The following LSAMP variants were observed in gnomAD, a reference collection of about 807,000 sequenced individuals.
LSAMP encodes the protein limbic system-associated membrane protein.
Under a neutral mutation model 38.6 loss-of-function variants are expected in LSAMP, and 7 were observed. The ratio of observed to expected loss-of-function variants is 0.18; its 90% CI spans 0.10 to 0.34. The LOEUF is 0.34. LSAMP is among the 10% of genes least tolerant of loss of function. The pLI is 1.00. For synonymous variants in LSAMP, 154 were observed against 166.8 expected (o/e 0.92, Z 0.59); for missense variants, 313 against 420.0 (o/e 0.75, Z 2.23).
intron 1 of LSAMP, among the ~76,000 whole-genome samples, chr3:116,182,605 TAAG>T (rs1429072108): frequency 1.3e-5 from 2 of 151,638 alleles, no homozygotes; most frequent in Non-Finnish European, 3.0e-5. Context: ...TTAAAGAAGA[TAAG>T]AAGACTGTCT....
At chr3:116,246,363 A>G (rs984022831) in intron 1 of LSAMP, among the ~76,000 whole-genome samples, 2 of 152,160 alleles carry the variant, frequency 1.3e-5, no homozygotes, top group African/African-American at 4.8e-5. Context: ...TTTCATATAC[A>G]ATATATTCTT....
At chr3:115,869,947 A>C (rs1935979894) in intron 3 of LSAMP, among the ~76,000 whole-genome samples, 1 of 152,080 alleles carries the variant, frequency 6.6e-6, no homozygotes, top group Non-Finnish European at 1.5e-5. Flanking sequence ...GGGCTTGGCA[A>C]GCTATGTCCC....
chr3:116,055,589 C>G (rs1285501639), intron 2 of LSAMP, among the ~76,000 whole-genome samples: 1 of 152,140 alleles, frequency 6.6e-6, no homozygotes, highest in Non-Finnish European at 1.5e-5. Flanking sequence ...TGACAATGCC[C>G]TCTACTCACA....
At chr3:116,163,418 T>C (rs1204578304) in intron 1 of LSAMP, among the ~76,000 whole-genome samples, 4 of 151,500 alleles carry the variant, frequency 2.6e-5, no homozygotes, top group African/African-American at 9.7e-5. Flanking sequence ...TCATTTTTTA[T>C]GGCTGCATAG....
chr3:116,255,157 A>G (rs1359646267), intron 1 of LSAMP, among the ~76,000 whole-genome samples: 1 of 152,144 alleles, frequency 6.6e-6, no homozygotes, highest in Non-Finnish European at 1.5e-5. Flanking sequence ...CATCACCATC[A>G]GTAGTGATGT....
intron 1 of LSAMP, among the ~76,000 whole-genome samples, chr3:116,197,449 A>G (rs1299188990): frequency 2.0e-5 from 3 of 152,156 alleles, no homozygotes; most frequent in Non-Finnish European, 4.4e-5. Flanking sequence ...GAAGTATACA[A>G]ACTCACCTTA....
At chr3:116,321,013 T>C (rs1195748130) in intron 1 of LSAMP, among the ~76,000 whole-genome samples, 1 of 152,144 alleles carries the variant, frequency 6.6e-6, no homozygotes, top group Admixed American at 6.5e-5. Context: ...TATCTTCGCA[T>C]AGAAAATATT....
chr3:116,012,204 C>A (rs1221649720), intron 3 of LSAMP, among the ~76,000 whole-genome samples: 1 of 152,160 alleles, frequency 6.6e-6, no homozygotes, highest in African/African-American at 2.4e-5. Flanking sequence ...TCAACAACTC[C>A]ATGGTCACTT....
chr3:115,977,727 AC>A (rs1939230433), intron 3 of LSAMP, among the ~76,000 whole-genome samples: 1 of 108,292 alleles, frequency 9.2e-6, no homozygotes, highest in Non-Finnish European at 1.8e-5. Flanking sequence ...ACAACAGAAC[AC>A]CAAAAAAAAA....
At chr3:116,128,938 C>T (rs373302149) in intron 1 of LSAMP, among the ~76,000 whole-genome samples, 2 of 151,928 alleles carry the variant, frequency 1.3e-5, no homozygotes, top group African/African-American at 2.4e-5. Flanking sequence ...AACCTTTCAG[C>T]GATGTGACAA....
intron 3 of LSAMP, among the ~76,000 whole-genome samples, chr3:115,868,406 C>T (rs1158341352): frequency 6.6e-6 from 1 of 152,060 alleles, no homozygotes; most frequent in Non-Finnish European, 1.5e-5. Flanking sequence ...CTATCCCTCT[C>T]TCCATCAAGT....
At chr3:115,889,459 G>A (rs72955530) in intron 3 of LSAMP, among the ~76,000 whole-genome samples, 1,946 of 151,836 alleles carry the variant, frequency 0.013, 45 homozygotes, top group African/African-American at 0.044. Context: ...AACTTGAGAG[G>A]GGAGTCATGC....
intron 3 of LSAMP, among the ~76,000 whole-genome samples, chr3:115,984,383 T>C (rs1312699107): frequency 6.6e-6 from 1 of 152,218 alleles, no homozygotes; most frequent in East Asian, 1.9e-4. Context: ...CTAGGCTAGA[T>C]GTATGCTAAA....
At chr3:116,199,053 T>G (rs372111808) in intron 1 of LSAMP, among the ~76,000 whole-genome samples, 22 of 151,980 alleles carry the variant, frequency 1.4e-4, no homozygotes, top group African/African-American at 4.8e-4. Context: ...CACTGCACTA[T>G]AGCCTGTGTG....
At chr3:116,207,072 A>T (rs1386415229) in intron 1 of LSAMP, among the ~76,000 whole-genome samples, 4 of 151,938 alleles carry the variant, frequency 2.6e-5, no homozygotes, top group Admixed American at 2.0e-4. Context: ...GACTTGCTTT[A>T]TGAATCTGGG....
chr3:116,081,961 CTA>C, intron 2 of LSAMP, among the ~76,000 whole-genome samples: 1 of 152,264 alleles, frequency 6.6e-6, no homozygotes, highest in African/African-American at 2.4e-5. Context: ...AATGACCACT[CTA>C]TTATTGGTAC....
chr3:116,345,874 C>A (rs1243564188), intron 1 of LSAMP, among the ~76,000 whole-genome samples: 1 of 152,052 alleles, frequency 6.6e-6, no homozygotes, highest in East Asian at 1.9e-4. Flanking sequence ...AACAAAAACC[C>A]AGAGAAGCAG....
rs541990964 is a variant in LSAMP at position 115,907,911 on chromosome 3, C to G, written c.515-55294G>C. Among the ~76,000 whole-genome samples, 18 of 152,208 alleles carry G rather than the reference C, an allele frequency of 1.2e-4. No individual in the cohort carries two copies. The South Asian group carries it at 3.7e-3, about 32-fold the overall frequency. On this transcript the variant is annotated intron_variant, in intron 3 of 6. Coordinates refer to ENST00000490035, the MANE Select transcript of LSAMP (RefSeq NM_002338.5). ...ATTATGAAGATCAACATGCCACTTA[C>G]TGGGCAGTTTCCAAATGGGCAACAT...
At chr3:116,422,475 G>C (rs1030102148) in intron 1 of LSAMP, among the ~76,000 whole-genome samples, 2 of 152,224 alleles carry the variant, frequency 1.3e-5, no homozygotes, top group Middle Eastern at 3.4e-3. Flanking sequence ...CCATTTTATA[G>C]AAGAGACTTG....
Sources: allele counts gnomAD v4.1 joint callset (sites outside exome capture counted in the v4.1 genomes callset), GRCh38; gene constraint gnomAD v4.1.1; transcripts MANE v1.5; gene names NCBI Gene and HGNC (gene_info 2026-07-23, HGNC 2026-07-21).